DOCK4: variants seen among roughly 807,000 people sequenced by gnomAD.
The protein encoded by DOCK4 is dedicator of cytokinesis 4.
DOCK4 carries 97 observed loss-of-function variants against 268.1 expected under a neutral mutation model. The ratio of observed to expected loss-of-function variants is 0.36; its 90% confidence interval spans 0.31 to 0.43. DOCK4 has a LOEUF of 0.43. Ranked by LOEUF, DOCK4 falls within the 20% of genes least tolerant of loss-of-function variation. The pLI is 1.00. For synonymous variants in DOCK4, 954 were observed against 887.2 expected (o/e 1.08, Z -1.34); for missense variants, 2,145 against 2,455.7 (o/e 0.87, Z 2.67).
intron 30 of DOCK4, among the ~76,000 whole-genome samples, chr7:111,795,220 C>T (rs1229251805): frequency 2.0e-5 from 3 of 152,126 alleles, no homozygotes; most frequent in African/African-American, 2.4e-5. Flanking sequence ...GTAGTCCCAG[C>T]TACTTGGGAG....
chr7:111,894,295 C>T (rs755064201), intron 16 of DOCK4, among the ~76,000 whole-genome samples: 2 of 152,044 alleles, frequency 1.3e-5, no homozygotes, highest in Non-Finnish European at 2.9e-5. Context: ...ACTAGCAATC[C>T]AAAGAAAGTT....
intron 38 of DOCK4, among the ~76,000 whole-genome samples, chr7:111,766,773 A>G (rs1484237643): frequency 2.0e-5 from 3 of 152,214 alleles, no homozygotes; most frequent in Admixed American, 2.0e-4. Flanking sequence ...ACAATAAACT[A>G]AAAGTGTTAA....
chr7:112,042,805 G>A (rs1804507133), intron 1 of DOCK4, among the ~76,000 whole-genome samples: 1 of 152,162 alleles, frequency 6.6e-6, no homozygotes, highest in South Asian at 2.1e-4. Context: ...TTGGGAGGTG[G>A]TGGGGCCTTC....
chr7:112,117,868 A>G (rs565637791), intron 1 of DOCK4, among the ~76,000 whole-genome samples: 45 of 152,206 alleles, frequency 3.0e-4, no homozygotes, highest in African/African-American at 9.9e-4. Flanking sequence ...GCTTCATGAC[A>G]TGCCTCTTCC....
At chr7:111,786,004 G>A (rs925714185) in intron 32 of DOCK4, among the ~76,000 whole-genome samples, 6 of 152,102 alleles carry the variant, frequency 3.9e-5, no homozygotes, top group Non-Finnish European at 7.4e-5. Context: ...ATGGGGTTAC[G>A]TAGAAGTCAT....
At chr7:111,835,340 G>C (rs964068766) in intron 25 of DOCK4, among the ~76,000 whole-genome samples, 1 of 152,100 alleles carries the variant, frequency 6.6e-6, no homozygotes, top group Admixed American at 6.6e-5. Flanking sequence ...TTAAAAAATA[G>C]TTTTATTCAG....
chr7:112,064,047 AT>A (rs1333759884), intron 1 of DOCK4, among the ~76,000 whole-genome samples: 1 of 152,094 alleles, frequency 6.6e-6, no homozygotes, highest in Non-Finnish European at 1.5e-5. Flanking sequence ...GTGAGTTTTG[AT>A]TTGGAAATTA....
intron 8 of DOCK4, among the ~76,000 whole-genome samples, chr7:111,949,976 G>A (rs1795924363): frequency 6.6e-6 from 1 of 152,114 alleles, no homozygotes; most frequent in South Asian, 2.1e-4. Flanking sequence ...ACCCAGGCTG[G>A]AGTACAGCAG....
chr7:112,107,723 G>C (rs1811259622), intron 1 of DOCK4, among the ~76,000 whole-genome samples: 1 of 152,196 alleles, frequency 6.6e-6, no homozygotes, highest in South Asian at 2.1e-4. Flanking sequence ...GAGATGCGTA[G>C]AATTCTGAAG....
At chr7:112,099,297 TAAAAAAA>T (rs34373613) in intron 1 of DOCK4, among the ~76,000 whole-genome samples, 2 of 123,350 alleles carry the variant, frequency 1.6e-5, no homozygotes, top group African/African-American at 3.1e-5. Flanking sequence ...GTCTCGGATT[TAAAAAAA>T]AAAAAAAAAA....
intron 16 of DOCK4, among the ~76,000 whole-genome samples, chr7:111,894,099 G>C (rs1284391778): frequency 6.6e-6 from 1 of 152,058 alleles, no homozygotes; most frequent in Non-Finnish European, 1.5e-5. Flanking sequence ...GCGGGTGCCT[G>C]GTGTCCCAGC....
intron 1 of DOCK4, among the ~76,000 whole-genome samples, 175 bp from the exon 2 acceptor site, chr7:112,004,306 G>A (rs188083059): frequency 4.6e-5 from 7 of 151,998 alleles, no homozygotes; most frequent in Non-Finnish European, 1.0e-4. Flanking sequence ...CACATACTTT[G>A]CCAACTTCTT....
chr7:112,062,925 C>T (rs1408205611), intron 1 of DOCK4, among the ~76,000 whole-genome samples: 1 of 152,156 alleles, frequency 6.6e-6, no homozygotes, highest in Non-Finnish European at 1.5e-5. Context: ...GATCCGCCTG[C>T]CTCAGCCTCC....
chr7:112,200,734 A>AAAC (rs1820852059), intron 1 of DOCK4, among the ~76,000 whole-genome samples: 1 of 117,744 alleles, frequency 8.5e-6, no homozygotes, highest in African/African-American at 4.0e-5. Flanking sequence ...ATAAAAAAAA[A>AAAC]AAAACAAAAA....
chr7:111,808,939 G>C, intron 29 of DOCK4, 60 bp from the exon 30 acceptor site: 2 of 1,540,008 alleles, frequency 1.3e-6, no homozygotes, highest in Non-Finnish European at 8.9e-7. Flanking sequence ...AAGTATTTGT[G>C]TGTCTTTAGG....
intron 41 of DOCK4, among the ~76,000 whole-genome samples, chr7:111,756,338 G>A (rs1350218291): frequency 6.6e-6 from 1 of 152,038 alleles, no homozygotes; most frequent in Admixed American, 6.6e-5. Flanking sequence ...GACAGGGCGA[G>A]ACTCCTTCTC....
At chr7:111,761,955 C>A (rs1217363445) in intron 39 of DOCK4, among the ~76,000 whole-genome samples, 1 of 152,106 alleles carries the variant, frequency 6.6e-6, no homozygotes, top group Non-Finnish European at 1.5e-5. Flanking sequence ...CACAATACAT[C>A]CCTCTCTGCC....
rs372483378 is a variant in DOCK4, at chr7:111,767,227, C to CTTTTTT, written c.3829-115_3829-110dup. The CTTTTTT allele has an allele frequency of 9.2e-3, 4,279 of 465,322 alleles. 264 individuals are homozygous for CTTTTTT. The African/African-American group carries it at 0.1, about 11-fold the overall frequency. 28.8% of individuals were successfully genotyped at this position (465,322 alleles called of 1,614,324 possible). A position where few individuals can be genotyped will look rare whatever the true frequency, so the allele number is the denominator to read the frequency against. ...AGAGCACCAAGCCTTACTCCTTAAT[C>CTTTTTT]TTTTTTTTTTTTTTTTTTGAGATGG... On this transcript the variant is annotated intron_variant, in intron 37 of 52. Coordinates refer to ENST00000428084, the MANE Select transcript of DOCK4 (RefSeq NM_001363540.2).
At position 112,015,083 on chromosome 7, in the gene DOCK4, G is replaced by T. The variant is rs1056044926; in HGVS notation, c.38-10952C>A. On this transcript the variant is annotated intron_variant, in intron 1 of 52. Coordinates refer to ENST00000428084, the MANE Select transcript of DOCK4 (RefSeq NM_001363540.2). ...ATAGGATGAATTAGGATGTTGGCAG[G>T]GCTAAAATACAGGTCATTAGGACAT... 3.9e-5 allele frequency among the ~76,000 whole-genome samples: 6 copies of T among 152,098 alleles called. 1 individual carries two copies. The highest frequency in any genetic ancestry group is 1.3e-4 in the Admixed American group (2 of 15,266).
Sources: gnomAD v4.1 joint callset for allele counts (sites outside exome capture counted in the v4.1 genomes callset) on GRCh38, gnomAD v4.1.1 for gene constraint, MANE v1.5 for transcripts, NCBI Gene and HGNC (gene_info 2026-07-23, HGNC 2026-07-21) for gene names.